Variants in FRMPD3 observed in about 807,000 individuals in gnomAD.
FRMPD3 encodes FERM and PDZ domain-containing protein 3.
Under a neutral mutation model 97.9 loss-of-function variants are expected in FRMPD3, and 42 were observed. The ratio of observed to expected loss-of-function variants is 0.43; its 90% CI spans 0.34 to 0.55. The LOEUF is 0.55. Ranked by LOEUF, FRMPD3 falls within the 20% of genes least tolerant of loss-of-function variation. FRMPD3 has a pLI of 0.03. For missense variants in FRMPD3, 1,303 were observed against 1,457.7 expected, an observed-to-expected ratio of 0.89 and a Z score of 1.73; for synonymous variants, 577 against 581.1, an observed-to-expected ratio of 0.99 and a Z score of 0.10.
chrX:107,603,658 T>G lies in FRMPD3; in HGVS notation c.*285T>G. 3.7e-6 allele frequency: 1 copy of G among 273,679 alleles called. No individual in the cohort carries two copies. Among genetic ancestry groups the G allele is most frequent in the Non-Finnish European group, 6.2e-6 (1 of 161,518 alleles). 22.6% of individuals were successfully genotyped at this position (273,679 alleles called of 1,213,427 possible). On this transcript the variant is annotated 3_prime_UTR_variant, in exon 15 of 15. Coordinates refer to ENST00000683843, the MANE Select transcript of FRMPD3 (RefSeq NM_001388459.1). ...TCACAGCAGAGCTGTATTTTATCTC[T>G]TCTCTGGGGCTGAGAGGTGACATCA...
At chrX:107,480,895 G>GGAAAGAAAGAAAGAAAGAAA (rs59050601) in intron 1 of FRMPD3, among the ~76,000 whole-genome samples, 3 of 60,585 alleles carry the variant, frequency 5.0e-5, no homozygotes, top group Admixed American at 4.8e-4. Context: ...AAGGAAGGAA[G>GGAAAGAAAGAAAGAAAGAAA]GAAAGAAAGA....
At position 107,480,895 on chromosome X, in the gene FRMPD3, G is replaced by GGAAAGAAA. The variant is rs59050601; in HGVS notation, c.-8+30951_-8+30958dup. Reference sequence around the variant, plus strand: ...AGGAAGGAAGGAAGGAAGGAAGGAAGGAAAGAAAGAAAGAAAGAAAGAAAG... The same window carrying GGAAAGAAA: ...AGGAAGGAAGGAAGGAAGGAAGGAAGGAAAGAAAGAAAGAAAGAAAGAAAGAAAGAAAG... On this transcript the variant is annotated intron_variant, in intron 1 of 14. Coordinates refer to ENST00000683843, the MANE Select transcript of FRMPD3 (RefSeq NM_001388459.1). Among the ~76,000 whole-genome samples, 317 of 60,596 alleles carry GGAAAGAAA rather than the reference G, an allele frequency of 5.2e-3. 8 individuals are homozygous for GGAAAGAAA. The highest frequency in any genetic ancestry group is 0.019 in the Middle Eastern group (2 of 105). The allele number at this position is 60,596 out of a possible 115,157, so 52.6% of individuals were successfully genotyped here. A position where few individuals can be genotyped will look rare whatever the true frequency, so the allele number is the denominator to read the frequency against.
At chrX:107,583,661 C>T (rs1338095522) in intron 13 of FRMPD3, among the ~76,000 whole-genome samples, 5 of 111,447 alleles carry the variant, frequency 4.5e-5, no homozygotes, top group East Asian at 5.6e-4. Flanking sequence ...GAGGAATCAT[C>T]GTACTGTCTT....
chrX:107,481,875 A>G (rs1282359151), intron 1 of FRMPD3, among the ~76,000 whole-genome samples: 1 of 112,109 alleles, frequency 8.9e-6, no homozygotes, highest in African/African-American at 3.2e-5. Flanking sequence ...GGGAGATTGG[A>G]TAGACTAGGA....
In FRMPD3 at chrX:107,560,262, G is replaced by C. The variant is rs192530115; in HGVS notation, c.768G>C (p.Arg256=). ...TGGACTGCCCTCTCTCACAGAGTCG[G>C]AATGATGTTATTCGAGAACGCTTTG... The part of the protein sequence containing the change: ...AAFEYLYIQS[R]NDVIRERFGM... The change falls in exon 9 of 15, where the codon CGG becomes CGC. Residue 256 remains arginine, a synonymous_variant. Coordinates refer to ENST00000683843, the MANE Select transcript of FRMPD3 (RefSeq NM_001388459.1). 8.3e-7 allele frequency: 1 copy of C among 1,204,731 alleles called. No homozygotes were observed. Among genetic ancestry groups the C allele is most frequent in the East Asian group, 3.0e-5 (1 of 33,631 alleles).
In FRMPD3 at chrX:107,449,939, GCC is replaced by G. The variant is rs1480285333; in HGVS notation, c.-73_-72del. 6.3e-5 allele frequency among the ~76,000 whole-genome samples: 7 copies of G among 110,337 alleles called. No homozygotes were observed. In the East Asian group the frequency reaches 2.0e-3, roughly 32 times the overall value. On this transcript the variant is annotated 5_prime_UTR_variant, in exon 1 of 15. Coordinates refer to ENST00000683843, the MANE Select transcript of FRMPD3 (RefSeq NM_001388459.1). The stretch of plus-strand genomic sequence containing the variant: ...GCCGCCGCTGCGCCGCCGCTGCCGC[GCC>G]GCTGAGGAGGCGGAGGAGGAGGAGG...
chrX:107,550,492 G>A (rs763848765), intron 6 of FRMPD3, among the ~76,000 whole-genome samples: 20 of 112,587 alleles, frequency 1.8e-4, no homozygotes, highest in African/African-American at 6.4e-4. Flanking sequence ...TAAAGCAAAA[G>A]TGATTTATAT....
chrX:107,601,248 G>C lies in FRMPD3; in HGVS notation c.3209G>C (p.Arg1070Pro). Residue 1070 changes from arginine (R) to proline (P), a missense_variant, in exon 15 of 15, where the codon CGA becomes CCA. Arg to Pro is a moderately radical substitution (Grantham distance 103, BLOSUM62 -2). Around this residue, in one of 3 missense-constraint regions of FRMPD3, gnomAD observed 764 missense variants for 820.2 expected, o/e 0.93. Coordinates refer to ENST00000683843, the MANE Select transcript of FRMPD3 (RefSeq NM_001388459.1). ...AAAAGCTATCTTTTGCGAACAAGCC[G>C]AGAGTCAGTGGGCAAGCAAGCTACA... ...PPKSYLLRTS[R>P]ESVGKQATGE... 1 of 1,209,676 alleles carries C rather than the reference G, an allele frequency of 8.3e-7. No individual in the cohort carries two copies.
intron 13 of FRMPD3, among the ~76,000 whole-genome samples, chrX:107,586,773 T>C (rs183204535): frequency 1.1e-4 from 12 of 112,281 alleles, no homozygotes; most frequent in African/African-American, 3.9e-4. Context: ...GTGAGTTTCT[T>C]AATCCTTAGT....
At chrX:107,598,405 A>T (rs1290222257) in intron 14 of FRMPD3, among the ~76,000 whole-genome samples, 47 of 112,421 alleles carry the variant, frequency 4.2e-4, no homozygotes, top group African/African-American at 1.4e-3. Flanking sequence ...GATTGGGGTC[A>T]TGACAGCTAT....
chrX:107,519,039 A>T (rs1324805545), intron 1 of FRMPD3, among the ~76,000 whole-genome samples: 1 of 112,186 alleles, frequency 8.9e-6, no homozygotes, highest in East Asian at 2.8e-4. Flanking sequence ...AGAAACAGAA[A>T]GTAGAATTGT....
intron 6 of FRMPD3, among the ~76,000 whole-genome samples, chrX:107,551,876 A>G (rs1052548949): frequency 5.3e-5 from 6 of 112,602 alleles, no homozygotes; most frequent in Admixed American, 4.7e-4. Flanking sequence ...ACCAATTTCC[A>G]GCTTAACATT....
chrX:107,500,802 T>TG (rs1921886696), intron 1 of FRMPD3, among the ~76,000 whole-genome samples: 1 of 84,077 alleles, frequency 1.2e-5, no homozygotes, highest in Non-Finnish European at 2.2e-5. Context: ...AGTAAGACTC[T>TG]GTCAAAAAAA....
rs1001395746 is a variant in FRMPD3 at position 107,455,151 on chromosome X, C to A, written c.-8+5146C>A. 8.9e-5 allele frequency among the ~76,000 whole-genome samples: 10 copies of A among 111,776 alleles called. No individual in the cohort carries two copies. The South Asian group carries it at 1.1e-3, about 13-fold the overall frequency. On this transcript the variant is annotated intron_variant, in intron 1 of 14. Transcript: ENST00000683843. ...CCTATGCTTCTCTCCTATTCCATAT[C>A]ACTATACCTATCCTTCAGCTCTACA...
At chrX:107,475,325 G>T (rs781043986) in intron 1 of FRMPD3, among the ~76,000 whole-genome samples, 6 of 111,842 alleles carry the variant, frequency 5.4e-5, no homozygotes, top group South Asian at 3.8e-4. Context: ...CCTGATTGGG[G>T]ATGTGTTTTT....
At chrX:107,463,855 A>T (rs1931516127) in intron 1 of FRMPD3, among the ~76,000 whole-genome samples, 2 of 112,515 alleles carry the variant, frequency 1.8e-5, no homozygotes, top group Admixed American at 1.9e-4. Flanking sequence ...TTATCAGATT[A>T]ACTAGCTGTC....
At chrX:107,480,912 G>T in intron 1 of FRMPD3, among the ~76,000 whole-genome samples, 1 of 97,831 alleles carries the variant, frequency 1.0e-5, no homozygotes, top group African/African-American at 4.1e-5. Flanking sequence ...AAGAAAGAAA[G>T]AAAGAAAGAA....
At chrX:107,525,911 A>C (rs1266105033) in intron 1 of FRMPD3, among the ~76,000 whole-genome samples, 2 of 109,599 alleles carry the variant, frequency 1.8e-5, no homozygotes, top group African/African-American at 6.7e-5. Context: ...CCCCACCTCT[A>C]CTAAAAATAC....
rs139612678 is a variant in FRMPD3 at position 107,522,233 on chromosome X, C to T, written c.-7-4349C>T. 3.1e-3 allele frequency among the ~76,000 whole-genome samples: 351 copies of T among 111,817 alleles called. 5 individuals are homozygous for T. Among genetic ancestry groups the T allele is most frequent in the Admixed American group, 0.028 (299 of 10,574 alleles). The stretch of plus-strand genomic sequence containing the variant: ...ATTTGGCTCCCCTTCTCTGCTCCTC[C>T]AGCCACCCCGAATAATGCTATCAAT... On this transcript the variant is annotated intron_variant, in intron 1 of 14. Coordinates refer to ENST00000683843, the MANE Select transcript of FRMPD3 (RefSeq NM_001388459.1).
Sources: gnomAD v4.1 joint callset for allele counts (sites outside exome capture counted in the v4.1 genomes callset) on GRCh38, gnomAD v4.1.1 for gene constraint, gnomAD v4.1.1 regional missense constraint, MANE v1.5 for transcripts, NCBI Gene and HGNC (gene_info 2026-07-23, HGNC 2026-07-21) for gene names.